The following LYST variants were observed in gnomAD, a reference collection of about 807,000 sequenced individuals.
LYST encodes lysosomal trafficking regulator.
Under a neutral mutation model 413.6 loss-of-function variants are expected in LYST, and 192 were observed. That is an observed-to-expected ratio of 0.46 (90% CI 0.41 to 0.52). LYST has a LOEUF of 0.52. LYST is among the 20% of genes least tolerant of loss of function. The probability of loss-of-function intolerance (pLI) is 0.00; values close to 1 mark genes in which losing one functional copy is unlikely to be tolerated. For synonymous variants in LYST, 1,525 were observed against 1,567.3 expected (o/e 0.97, Z 0.64); for missense variants, 3,815 against 4,499.9 (o/e 0.85, Z 4.35).
intron 10 of LYST, among the ~76,000 whole-genome samples, chr1:235,795,625 C>T (rs1030050456): frequency 1.3e-5 from 2 of 152,136 alleles, no homozygotes; most frequent in African/African-American, 4.8e-5. Flanking sequence ...GTTTGGGAAG[C>T]CCCTAATCAT....
At chr1:235,743,545 C>T (rs532231677) in intron 30 of LYST, among the ~76,000 whole-genome samples, 1 of 152,248 alleles carries the variant, frequency 6.6e-6, no homozygotes, top group East Asian at 1.9e-4. Context: ...AACCCTGACA[C>T]TTATCAGTAT....
Position 235,734,594 on chromosome 1 carries a change from T to G in LYST, c.8424A>C (p.Glu2808Asp), listed in dbSNP as rs778219018. ...LIHNHQGELTEEELGTAELLM... is the reference protein window; with the variant it reads ...LIHNHQGELTDEELGTAELLM... ...GCAGTTCTGCTGTGCCTAGCTCTTC[T>G]TCAGTCAATTCACCTTGGTGATTAT... Residue 2808 changes from glutamate to aspartate, a missense_variant, in exon 32 of 53, where the codon GAA becomes GAC. Physicochemically the swap from Glu to Asp is conservative, Grantham distance 45. Around this residue, in one of 4 missense-constraint regions of LYST, gnomAD observed 771 missense variants for 837.1 expected, o/e 0.92. Coordinates refer to ENST00000389793, the MANE Select transcript of LYST (RefSeq NM_000081.4). 2.5e-6 allele frequency: 4 copies of G among 1,613,302 alleles called. No individual in the cohort carries two copies. In the East Asian group the frequency reaches 8.9e-5, roughly 36 times the overall value.
chr1:235,878,738 G>A (rs772323073), intron 1 of LYST, among the ~76,000 whole-genome samples: 20 of 152,282 alleles, frequency 1.3e-4, no homozygotes, highest in Middle Eastern at 3.4e-3. Flanking sequence ...GAGAGCAAGG[G>A]TTTCCTGATG....
intron 39 of LYST, among the ~76,000 whole-genome samples, chr1:235,723,170 G>A (rs1055242055): frequency 5.9e-5 from 9 of 152,190 alleles, no homozygotes; most frequent in African/African-American, 1.7e-4. Flanking sequence ...CATTTACTGA[G>A]ATAGAGAAAA....
At chr1:235,679,772 G>A (rs781098517) in intron 48 of LYST, among the ~76,000 whole-genome samples, 2 of 152,142 alleles carry the variant, frequency 1.3e-5, no homozygotes, top group Non-Finnish European at 2.9e-5. Flanking sequence ...CAGAATGAAA[G>A]GGACCAGCCT....
Position 235,808,947 on chromosome 1 carries a change from C to T in LYST, c.1871G>A (p.Gly624Glu). ...ILNKLILDQL[G>E]GAEISPKIKK... is the part of the protein sequence containing the mutation. ...AATTTTTGGTGATATCTCTGCTCCTCCTAACTGATCCAAAATAAGTTTGTT... is the reference window on the plus strand; with the variant it reads ...AATTTTTGGTGATATCTCTGCTCCTTCTAACTGATCCAAAATAAGTTTGTT... The change falls in exon 5 of 53, where the codon GGA (glycine) becomes GAA (glutamate). Residue 624 changes from glycine (G) to glutamate (E), a missense_variant. Transcript: ENST00000389793. 1 of 1,613,836 alleles carries T rather than the reference C, an allele frequency of 6.2e-7. No homozygotes were observed. Among genetic ancestry groups the T allele is most frequent in the East Asian group, 2.2e-5 (1 of 44,878 alleles).
At chr1:235,836,575 T>C (rs1482191749) in intron 1 of LYST, among the ~76,000 whole-genome samples, 1 of 151,924 alleles carries the variant, frequency 6.6e-6, no homozygotes, top group East Asian at 1.9e-4. Context: ...GGATATTGAG[T>C]GCAAGAGGAC....
Position 235,862,806 on chromosome 1 carries a change from A to C in LYST, c.-98+4037T>G, listed in dbSNP as rs866961678. Among the ~76,000 whole-genome samples, 180 of 121,516 alleles carry C rather than the reference A, an allele frequency of 1.5e-3. 2 individuals carry two copies. The highest frequency in any genetic ancestry group is 1.5e-3 in the Non-Finnish European group (83 of 56,278). The allele number at this position is 121,516 out of a possible 152,430, so 79.7% of individuals were successfully genotyped here. A position where few individuals can be genotyped will look rare whatever the true frequency, so the allele number is the denominator to read the frequency against. ...GCAAGTCTCCATCTCAAAACAAACA[A>C]ACACACACACACACACACACACACA... On this transcript the variant is annotated intron_variant, in intron 1 of 52. Coordinates refer to ENST00000389793, the MANE Select transcript of LYST (RefSeq NM_000081.4).
intron 1 of LYST, among the ~76,000 whole-genome samples, chr1:235,859,037 C>T (rs1343683671): frequency 6.6e-6 from 1 of 152,178 alleles, no homozygotes; most frequent in Admixed American, 6.5e-5. Context: ...ATTTTCCCCT[C>T]AAGCATACTC....
In LYST at chr1:235,674,175, A is replaced by G. The variant is rs1036100241; in HGVS notation, c.11038+2916T>C. Among the ~76,000 whole-genome samples, 1 of 152,148 alleles carries G rather than the reference A, an allele frequency of 6.6e-6. No individual in the cohort carries two copies. Among genetic ancestry groups the G allele is most frequent in the African/African-American group, 2.4e-5 (1 of 41,434 alleles). Reference sequence around the variant, plus strand: ...CCTTGTGTCTCTCACGACAGGGGGAATATTTGGCATTCCTTGGAAGCCTAA... The same window carrying G: ...CCTTGTGTCTCTCACGACAGGGGGAGTATTTGGCATTCCTTGGAAGCCTAA... On this transcript the variant is annotated intron_variant, in intron 50 of 52. Coordinates refer to ENST00000389793, the MANE Select transcript of LYST (RefSeq NM_000081.4). This position sits in a 1 kb window ranked among gnomAD's most constrained non-coding sequence, Gnocchi z 4.1.
chr1:235,872,501 T>C (rs1680975830), intron 1 of LYST, among the ~76,000 whole-genome samples: 1 of 152,122 alleles, frequency 6.6e-6, no homozygotes. Context: ...GTTCCGATTC[T>C]TCTTGGCATC....
At chr1:235,781,865 G>T in intron 15 of LYST, 62 bp downstream of exon 15, 1 of 1,160,924 alleles carries the variant, frequency 8.6e-7, no homozygotes, top group East Asian at 2.4e-5. Flanking sequence ...ATGTTTCAAA[G>T]GAAAAAAATC....
intron 1 of LYST, among the ~76,000 whole-genome samples, chr1:235,850,732 C>T (rs1273043696): frequency 2.6e-5 from 4 of 152,072 alleles, no homozygotes; most frequent in Non-Finnish European, 5.9e-5. Context: ...ATAGACAGTT[C>T]TCAAAAGAAG....
Position 235,808,887 on chromosome 1 carries a change from G to C in LYST, c.1931C>G (p.Ser644Cys), listed in dbSNP as rs1673152847. ...KAACNICTVDSDQLAQLEETL... is the reference protein window; with the variant it reads ...KAACNICTVDCDQLAQLEETL... ...CTCTTCTAATTGGGCTAGTTGGTCAGAGTCAACAGTACAAATATTACAAGC... is the reference window on the plus strand; with the variant it reads ...CTCTTCTAATTGGGCTAGTTGGTCACAGTCAACAGTACAAATATTACAAGC... The change falls in exon 5 of 53, where the codon TCT (serine) becomes TGT (cysteine). Residue 644 changes from serine to cysteine, a missense_variant. Transcript: ENST00000389793. The C allele has an allele frequency of 6.2e-7, 1 of 1,613,758 alleles. No individual in the cohort carries two copies. The highest frequency in any genetic ancestry group is 1.7e-5 in the Admixed American group (1 of 59,960).
chr1:235,769,713 C>T (rs1048411516), intron 20 of LYST, among the ~76,000 whole-genome samples: 2 of 152,044 alleles, frequency 1.3e-5, no homozygotes, highest in African/African-American at 2.4e-5. Context: ...CAATTAGTGT[C>T]ACTTTTTAAT....
At chr1:235,838,392 A>T (rs1241251093) in intron 1 of LYST, among the ~76,000 whole-genome samples, 3 of 152,222 alleles carry the variant, frequency 2.0e-5, no homozygotes, top group African/African-American at 7.2e-5. Flanking sequence ...GAATCTAGAT[A>T]TATTACAGCT....
At chr1:235,867,609 T>C (rs1680702350), upstream of LYST, among the ~76,000 whole-genome samples, 1 of 152,114 alleles carries the variant, frequency 6.6e-6, no homozygotes, top group East Asian at 1.9e-4. Context: ...AATAGACCAG[T>C]CCCTCCAGAG....
At chr1:235,792,421 T>G (rs1244795797) in intron 11 of LYST, among the ~76,000 whole-genome samples, 1 of 151,730 alleles carries the variant, frequency 6.6e-6, no homozygotes, top group Non-Finnish European at 1.5e-5. Flanking sequence ...TTCAGGCGAT[T>G]CTCCTGCCTC....
At chr1:235,873,841 A>G (rs567452851) in intron 1 of LYST, among the ~76,000 whole-genome samples, 1 of 152,358 alleles carries the variant, frequency 6.6e-6, no homozygotes, top group East Asian at 1.9e-4. Context: ...AAATTAAGAA[A>G]CATTATCATT....
Sources: allele counts gnomAD v4.1 joint callset (sites outside exome capture counted in the v4.1 genomes callset), GRCh38; gene constraint gnomAD v4.1.1; regional missense constraint gnomAD v4.1.1; non-coding constraint Gnocchi (gnomAD v3.1); transcripts MANE v1.5; gene names NCBI Gene and HGNC (gene_info 2026-07-23, HGNC 2026-07-21).